NLGN1: variants seen among roughly 807,000 people sequenced by gnomAD.
NLGN1 encodes the protein neuroligin 1, also known as neuroligin-1.
In NLGN1, 12 loss-of-function variants were observed where a neutral mutation model predicts 65.5. That is an observed-to-expected ratio of 0.18 (90% CI 0.12 to 0.30). The LOEUF (loss-of-function observed/expected upper bound fraction) is 0.30. Among genes scored for constraint, NLGN1 ranks in the 10% least tolerant of loss-of-function variants. The pLI is 1.00. For missense variants in NLGN1, 750 were observed against 1,007.1 expected, an observed-to-expected ratio of 0.74 and a Z score of 3.46; for synonymous variants, 350 against 359.5, an observed-to-expected ratio of 0.97 and a Z score of 0.30.
chr3:173,914,159 T>G (rs1740242358), intron 4 of NLGN1, among the ~76,000 whole-genome samples: 1 of 152,264 alleles, frequency 6.6e-6, no homozygotes, highest in South Asian at 2.1e-4. Context: ...CTCTTTGAGG[T>G]CTCACCATTC....
At chr3:173,864,699 A>G (rs2150827416) in intron 4 of NLGN1, among the ~76,000 whole-genome samples, 1 of 152,332 alleles carries the variant, frequency 6.6e-6, no homozygotes, top group Non-Finnish European at 1.5e-5. Context: ...ACTGAAACTT[A>G]CACGCAGGCT....
intron 4 of NLGN1, among the ~76,000 whole-genome samples, chr3:174,032,060 C>T (rs1202753078): frequency 6.6e-6 from 1 of 151,942 alleles, no homozygotes; most frequent in Non-Finnish European, 1.5e-5. Flanking sequence ...AAAGAAGACT[C>T]CTATAACCAG....
chr3:174,145,795 A>G (rs1312004865), intron 4 of NLGN1, among the ~76,000 whole-genome samples: 1 of 152,222 alleles, frequency 6.6e-6, no homozygotes, highest in Non-Finnish European at 1.5e-5. Context: ...CGGTGCATAT[A>G]TTTTAAAAGT....
chr3:173,963,868 A>G (rs1463598400), intron 4 of NLGN1, among the ~76,000 whole-genome samples: 1 of 152,116 alleles, frequency 6.6e-6, no homozygotes, highest in Non-Finnish European at 1.5e-5. Flanking sequence ...TCAGGAGTAA[A>G]TGGTAGGTGG....
intron 3 of NLGN1, among the ~76,000 whole-genome samples, chr3:173,752,966 A>G (rs1776517327): frequency 6.6e-6 from 1 of 152,104 alleles, no homozygotes; most frequent in Non-Finnish European, 1.5e-5. Flanking sequence ...TACTCCAAGA[A>G]AGGCCAAACC....
At chr3:173,412,311 G>GACGCGCAC (rs1553842761) in intron 1 of NLGN1, among the ~76,000 whole-genome samples, 1 of 147,522 alleles carries the variant, frequency 6.8e-6, no homozygotes, top group African/African-American at 2.5e-5. Context: ...CTCTCACTCT[G>GACGCGCAC]ACACACACAC....
At chr3:173,960,967 T>A (rs1284432817) in intron 4 of NLGN1, among the ~76,000 whole-genome samples, 1 of 152,116 alleles carries the variant, frequency 6.6e-6, no homozygotes, top group Admixed American at 6.5e-5. Flanking sequence ...AGATCCCTGT[T>A]TTCACATTGA....
intron 4 of NLGN1, among the ~76,000 whole-genome samples, chr3:174,138,160 A>G (rs1721562751): frequency 3.9e-5 from 6 of 152,186 alleles, no homozygotes; most frequent in Admixed American, 3.9e-4. Flanking sequence ...ATAGTTTAAT[A>G]GCACGTTTGG....
rs538144822 is a variant in NLGN1, at chr3:173,852,249, G to T, written c.646+44417G>T. Among the ~76,000 whole-genome samples, 3 of 148,186 alleles carry T rather than the reference G, an allele frequency of 2.0e-5. No individual in the cohort carries two copies. In the Admixed American group the frequency reaches 2.0e-4, roughly 10 times the overall value. Reference sequence around the variant, plus strand: ...CGGGCGCCTGTAGTCCCAGCTACTCGGGAGGCTGAGGCAGGAGAATGGCGT... The same window carrying T: ...CGGGCGCCTGTAGTCCCAGCTACTCTGGAGGCTGAGGCAGGAGAATGGCGT... On this transcript the variant is annotated intron_variant, in intron 4 of 6. Transcript: ENST00000457714.
chr3:174,170,995 A>G (rs1421902125), intron 4 of NLGN1, among the ~76,000 whole-genome samples: 1 of 152,200 alleles, frequency 6.6e-6, no homozygotes, highest in Non-Finnish European at 1.5e-5. Flanking sequence ...GTCAAGGGAA[A>G]CAAATCACAA....
At chr3:174,257,902 T>TTATATATATA (rs146056725) in intron 4 of NLGN1, among the ~76,000 whole-genome samples, 3 of 147,766 alleles carry the variant, frequency 2.0e-5, no homozygotes, top group African/African-American at 7.4e-5. Context: ...TTATATCTCC[T>TTATATATATA]TATATATATA....
intron 4 of NLGN1, among the ~76,000 whole-genome samples, chr3:174,200,209 C>T (rs1222705966): frequency 2.6e-5 from 4 of 152,156 alleles, no homozygotes; most frequent in African/African-American, 7.2e-5. Flanking sequence ...TGACTGCTAC[C>T]TTGCAGTGCT....
chr3:173,972,384 C>T (rs1000519705), intron 4 of NLGN1, among the ~76,000 whole-genome samples: 2 of 152,070 alleles, frequency 1.3e-5, no homozygotes, highest in African/African-American at 4.8e-5. Context: ...CTGCTTAGAG[C>T]TCTACAATGG....
intron 4 of NLGN1, among the ~76,000 whole-genome samples, chr3:173,991,083 T>C (rs545432616): frequency 6.6e-6 from 1 of 152,224 alleles, no homozygotes; most frequent in South Asian, 2.1e-4. Context: ...GTCCATAGTT[T>C]ATATTAGGGT....
At chr3:173,984,582 G>T (rs929001638) in intron 4 of NLGN1, among the ~76,000 whole-genome samples, 3 of 152,052 alleles carry the variant, frequency 2.0e-5, no homozygotes, top group Non-Finnish European at 4.4e-5. Context: ...CAAACTTCCA[G>T]GAAATAAATT....
intron 4 of NLGN1, among the ~76,000 whole-genome samples, chr3:174,232,331 T>C (rs1344630240): frequency 1.3e-5 from 2 of 152,078 alleles, no homozygotes; most frequent in African/African-American, 4.8e-5. Context: ...CCATTTTCAC[T>C]TCTTTTGTGG....
chr3:173,682,669 A>T (rs1181038903), intron 3 of NLGN1, among the ~76,000 whole-genome samples: 2 of 151,634 alleles, frequency 1.3e-5, no homozygotes. Flanking sequence ...TAATTGGGTT[A>T]ACCCATTATG....
chr3:174,062,065 G>A (rs540922239), intron 4 of NLGN1, among the ~76,000 whole-genome samples: 87 of 152,182 alleles, frequency 5.7e-4, no homozygotes, highest in Middle Eastern at 3.4e-3. Flanking sequence ...GGAAGAAACT[G>A]TAAGAAAGCT....
At chr3:173,504,265 G>T (rs1396573850) in intron 2 of NLGN1, among the ~76,000 whole-genome samples, 1 of 152,014 alleles carries the variant, frequency 6.6e-6, no homozygotes, top group African/African-American at 2.4e-5. Context: ...CCACACACTT[G>T]CTTATTTATA....
Sources: allele counts gnomAD v4.1 joint callset (sites outside exome capture counted in the v4.1 genomes callset), GRCh38; gene constraint gnomAD v4.1.1; transcripts MANE v1.5; gene names NCBI Gene and HGNC (gene_info 2026-07-23, HGNC 2026-07-21).